Variants in ERCC8 observed in about 807,000 individuals in gnomAD.
The protein encoded by ERCC8 is ERCC excision repair 8, CSA ubiquitin ligase complex subunit, also known as DNA excision repair protein ERCC-8.
A neutral mutation model predicts 54.9 loss-of-function variants in ERCC8; 52 were observed. That is an observed-to-expected ratio of 0.95 (90% CI 0.76 to 1.19). The LOEUF (loss-of-function observed/expected upper bound fraction) is 1.19. ERCC8 is among the 50% of genes most tolerant of loss of function. ERCC8 has a pLI of 0.00. For synonymous variants in ERCC8, 146 were observed against 157.2 expected (o/e 0.93, Z 0.53); for missense variants, 514 against 466.1 (o/e 1.10, Z -0.95).
In ERCC8 at chr5:60,869,933, A is replaced by C. The variant is rs954456164; in HGVS notation, c.*4682T>G. The stretch of plus-strand genomic sequence containing the variant: ...GAAAGGAAAACATATAAAATGTACA[A>C]GGCACTGGAGAGAAGTTATACATGA... On this transcript the variant is annotated 3_prime_UTR_variant, in exon 12 of 12. Transcript: ENST00000676185. Among the ~76,000 whole-genome samples the C allele has an allele frequency of 6.6e-6, 1 of 152,206 alleles. No individual in the cohort carries two copies. The highest frequency in any genetic ancestry group is 2.1e-4 in the South Asian group (1 of 4,832).
chr5:60,939,198 G>C (rs1157612450), intron 1 of ERCC8, among the ~76,000 whole-genome samples: 1 of 151,910 alleles, frequency 6.6e-6, no homozygotes, highest in African/African-American at 2.4e-5. Context: ...CAATTGAGAA[G>C]TGTCTAAAAA....
chr5:60,877,472 G>A (rs1748049079), intron 11 of ERCC8, among the ~76,000 whole-genome samples: 1 of 152,136 alleles, frequency 6.6e-6, no homozygotes, highest in African/African-American at 2.4e-5. Flanking sequence ...GGGCAGCATG[G>A]CCATTTTCAC....
chr5:60,925,361 T>C (rs1434365514), intron 2 of ERCC8, among the ~76,000 whole-genome samples: 2 of 152,164 alleles, frequency 1.3e-5, no homozygotes, highest in Non-Finnish European at 2.9e-5. Flanking sequence ...TTTCCAGCAG[T>C]TTTCCTCAGT....
At chr5:60,900,778 G>A (rs1748882614) in intron 7 of ERCC8, 1 of 152,020 alleles carries the variant, frequency 6.6e-6, no homozygotes, top group African/African-American at 2.4e-5. Context: ...TAGGTCCATT[G>A]TGGTACTGAT....
rs869039109 is a variant in ERCC8, at chr5:60,904,634, GTATATATATATATATATATA to G, written c.481+138_481+157del. ...TTGAATATATATAGTGTGTGTGTGT[GTATATATATATATATATATA>G]TATATATATATATATATATATATAT... On this transcript the variant is annotated intron_variant, in intron 5 of 11. Transcript: ENST00000676185. Among the ~76,000 whole-genome samples the G allele has an allele frequency of 8.8e-4, 44 of 49,938 alleles. 2 individuals carry two copies. Among genetic ancestry groups the G allele is most frequent in the African/African-American group, 3.1e-3 (37 of 11,880 alleles). 32.8% of individuals were successfully genotyped at this position (49,938 alleles called of 152,430 possible).
At chr5:60,943,024 A>T (rs1750309486) in intron 1 of ERCC8, among the ~76,000 whole-genome samples, 2 of 152,022 alleles carry the variant, frequency 1.3e-5, no homozygotes, top group African/African-American at 4.8e-5. Flanking sequence ...TAATCCCGGC[A>T]CTTTAGGAGG....
Position 60,922,045 on chromosome 5 carries a change from A to T in ERCC8, c.275+9T>A, listed in dbSNP as rs954566636. ...CAAATTCATAAATTTTTACATTTTA[A>T]ATACATACCTGCCAATGGAACACAC... On this transcript the variant is annotated intron_variant, in intron 3 of 11. Transcript: ENST00000676185. The T allele has an allele frequency of 3.6e-5, 57 of 1,568,878 alleles. No individual in the cohort carries two copies. Among genetic ancestry groups the T allele is most frequent in the Non-Finnish European group, 4.9e-5 (56 of 1,144,876 alleles).
At position 60,873,392 on chromosome 5, in the gene ERCC8, T is replaced by A. The variant is rs1458618836; in HGVS notation, c.*1223A>T. Among the ~76,000 whole-genome samples the A allele has an allele frequency of 2.0e-5, 3 of 152,160 alleles. No homozygotes were observed. The highest frequency in any genetic ancestry group is 6.6e-5 in the Admixed American group (1 of 15,262). On this transcript the variant is annotated 3_prime_UTR_variant, in exon 12 of 12. Transcript: ENST00000676185. ...CTTATACACTTAAAAACTCAACAAC[T>A]GGCTGGGTGCAGTGGCTCAAGCTTA...
In ERCC8 at chr5:60,928,012, G is replaced by A. The variant is rs138683353; in HGVS notation, c.173+852C>T. Among the ~76,000 whole-genome samples the A allele has an allele frequency of 8.9e-4, 136 of 152,154 alleles. 1 individual carries two copies. Among genetic ancestry groups the A allele is most frequent in the African/African-American group, 3.2e-3 (132 of 41,512 alleles). On this transcript the variant is annotated intron_variant, in intron 2 of 11. Transcript: ENST00000676185. Reference sequence around the variant, plus strand: ...TAAACATACCATAACACCAAAAACTGTTTCCTTTAGTTAATGCTATATGTG... The same window carrying A: ...TAAACATACCATAACACCAAAAACTATTTCCTTTAGTTAATGCTATATGTG...
At chr5:60,934,393 T>C (rs1004570730) in intron 1 of ERCC8, among the ~76,000 whole-genome samples, 1 of 152,212 alleles carries the variant, frequency 6.6e-6, no homozygotes, top group African/African-American at 2.4e-5. Context: ...TTTTGAGAAC[T>C]GTCTATCCAT....
chr5:60,905,834 G>A (rs1162052033), intron 4 of ERCC8, among the ~76,000 whole-genome samples: 1 of 152,160 alleles, frequency 6.6e-6, no homozygotes, highest in African/African-American at 2.4e-5. Flanking sequence ...TTGAAGTCTT[G>A]TAGGTTTGGG....
intron 7 of ERCC8, among the ~76,000 whole-genome samples, chr5:60,900,464 T>A (rs928487785): frequency 6.6e-6 from 1 of 151,984 alleles, no homozygotes; most frequent in African/African-American, 2.4e-5. Flanking sequence ...AACAATATTG[T>A]AACCCAGGGG....
At chr5:60,911,895 T>C (rs1232558751) in intron 4 of ERCC8, among the ~76,000 whole-genome samples, 1 of 152,136 alleles carries the variant, frequency 6.6e-6, no homozygotes, top group Non-Finnish European at 1.5e-5. Context: ...AAAGATTGGA[T>C]GGTTGTAGAT....
intron 2 of ERCC8, among the ~76,000 whole-genome samples, chr5:60,925,599 A>G (rs1749723717): frequency 6.6e-6 from 1 of 152,198 alleles, no homozygotes; most frequent in Non-Finnish European, 1.5e-5. Context: ...CAGATGCCTT[A>G]TCGCTTTTTA....
At chr5:60,919,893 C>T (rs569581839) in intron 3 of ERCC8, among the ~76,000 whole-genome samples, 13 of 152,046 alleles carry the variant, frequency 8.6e-5, no homozygotes, top group Admixed American at 2.0e-4. Context: ...AAGGTGTATA[C>T]GCATGCTGGA....
intron 10 of ERCC8, among the ~76,000 whole-genome samples, chr5:60,889,886 T>A (rs189774423): frequency 3.6e-4 from 55 of 152,214 alleles, no homozygotes; most frequent in African/African-American, 1.3e-3. Flanking sequence ...TACCTTCTTA[T>A]TGACTAATAA....
chr5:60,944,370 G>T (rs1174961959), intron 1 of ERCC8, among the ~76,000 whole-genome samples: 1 of 152,070 alleles, frequency 6.6e-6, no homozygotes, highest in Non-Finnish European at 1.5e-5. Context: ...AAAACAAAAT[G>T]CAATAGCTGT....
chr5:60,895,440 CT>C (rs369027137), intron 9 of ERCC8, among the ~76,000 whole-genome samples: 2 of 151,774 alleles, frequency 1.3e-5, no homozygotes, highest in African/African-American at 2.4e-5. Flanking sequence ...AAACACTCAT[CT>C]TTTTTTTGCC....
chr5:60,885,908 T>C (rs1322602281), intron 11 of ERCC8, among the ~76,000 whole-genome samples: 1 of 152,178 alleles, frequency 6.6e-6, no homozygotes, highest in African/African-American at 2.4e-5. Context: ...ACACAGTATA[T>C]GAAAAATGTT....
Sources: allele counts gnomAD v4.1 joint callset (sites outside exome capture counted in the v4.1 genomes callset), GRCh38; gene constraint gnomAD v4.1.1; transcripts MANE v1.5; gene names NCBI Gene and HGNC (gene_info 2026-07-23, HGNC 2026-07-21).